ALG8: variants seen among roughly 807,000 people sequenced by gnomAD.
The protein encoded by ALG8 is ALG8 alpha-1,3-glucosyltransferase.
A neutral mutation model predicts 70.2 loss-of-function variants in ALG8; 48 were observed. That is an observed-to-expected ratio of 0.68 (90% CI 0.54 to 0.87). The LOEUF (loss-of-function observed/expected upper bound fraction) is 0.87, where lower values mean the gene tolerates loss of function less well. ALG8 is among the 40% of genes least tolerant of loss of function. The pLI, the probability that ALG8 is intolerant of heterozygous loss-of-function variation, is 0.00. For synonymous variants in ALG8, 234 were observed against 229.0 expected (o/e 1.02, Z -0.20); for missense variants, 572 against 608.7 (o/e 0.94, Z 0.64).
chr11:78,132,909 T>C (rs1349601061), intron 1 of ALG8, among the ~76,000 whole-genome samples: 1 of 147,270 alleles, frequency 6.8e-6, no homozygotes, highest in Non-Finnish European at 1.5e-5. Flanking sequence ...CTATCTCGGC[T>C]CACTGCAAGC....
intron 9 of ALG8, 39 bp downstream of exon 9, chr11:78,109,403 G>T (rs1294314081): frequency 1.2e-6 from 2 of 1,613,660 alleles, no homozygotes; most frequent in Non-Finnish European, 1.7e-6. Context: ...GAAAAGCAGA[G>T]AAAACTCAAG....
intron 4 of ALG8, among the ~76,000 whole-genome samples, chr11:78,120,384 T>C (rs1353947044): frequency 2.0e-5 from 3 of 152,180 alleles, no homozygotes; most frequent in Non-Finnish European, 4.4e-5. Context: ...TACAATCTTA[T>C]GTATTAAGCC....
At chr11:78,103,910 A>G (rs1310521423) in intron 12 of ALG8, 70 bp downstream of exon 12, 1 of 832,842 alleles carries the variant, frequency 1.2e-6, no homozygotes, top group East Asian at 2.7e-5. Context: ...AAATTTAAAG[A>G]GCTTATTTGA....
intron 1 of ALG8, chr11:78,139,105 C>G (rs1477444448): frequency 1.4e-5 from 5 of 356,918 alleles, no homozygotes; most frequent in Non-Finnish European, 2.7e-5. Flanking sequence ...GCTCCACCCA[C>G]CAACTTCGAG....
chr11:78,130,928 A>G (rs1182663872), intron 1 of ALG8, among the ~76,000 whole-genome samples: 2 of 152,162 alleles, frequency 1.3e-5, no homozygotes, highest in African/African-American at 2.4e-5. Context: ...AATTTTGGCA[A>G]TAACATTTTC....
chr11:78,139,254 C>G (rs1426508174), intron 1 of ALG8: 4 of 556,398 alleles, frequency 7.2e-6, no homozygotes, highest in Non-Finnish European at 1.3e-5. Flanking sequence ...GGATGAGGAC[C>G]CTGAGGTTCA....
At position 78,104,013 on chromosome 11, in the gene ALG8, A is replaced by G. The variant is rs17825668; in HGVS notation, c.1316T>C (p.Ile439Thr). 0.028 allele frequency: 42,707 copies of G among 1,505,436 alleles called. 708 individuals are homozygous for G. Among genetic ancestry groups the G allele is most frequent in the Non-Finnish European group, 0.034 (36,430 of 1,084,762 alleles). The allele number at this position is 1,505,436 out of a possible 1,614,324, so 93.3% of individuals were successfully genotyped here. The part of the protein sequence containing the change: ...IKILLMLLFT[I>T]YSISSLKTLF... ...AGTCTTCAGTGACGAAATACTATAT[A>G]TGGTGAATAGTAACATGAGTAAGAT... Residue 439 changes from isoleucine to threonine, a missense_variant, in exon 12 of 13, where the codon ATA (isoleucine) becomes ACA (threonine). Ile to Thr is a moderately conservative substitution (Grantham distance 89). Coordinates refer to ENST00000299626, the MANE Select transcript of ALG8 (RefSeq NM_024079.5).
intron 2 of ALG8, among the ~76,000 whole-genome samples, chr11:78,126,516 G>C (rs7930063): frequency 0.051 from 7,234 of 140,904 alleles, 618 homozygotes; most frequent in African/African-American, 0.18. Context: ...TGGGTGACAA[G>C]AGCGAGACTC....
chr11:78,109,327 A>T, intron 9 of ALG8, 115 bp downstream of exon 9: 1 of 1,374,742 alleles, frequency 7.3e-7, no homozygotes, highest in Non-Finnish European at 1.0e-6. Context: ...CAGAAGGATT[A>T]CAGGCATGAA....
At chr11:78,105,015 G>C (rs771334767) in intron 10 of ALG8, among the ~76,000 whole-genome samples, 11 of 151,538 alleles carry the variant, frequency 7.3e-5, no homozygotes, top group Non-Finnish European at 1.5e-4. Flanking sequence ...CTTCTCCAAA[G>C]ACAGGAATGT....
At chr11:78,101,395 A>G (rs1859790831) in intron 12 of ALG8, among the ~76,000 whole-genome samples, 200 bp from the exon 13 acceptor site, 1 of 152,152 alleles carries the variant, frequency 6.6e-6, no homozygotes, top group East Asian at 1.9e-4. Flanking sequence ...TTGGGAGGCC[A>G]AGGCAGGTGG....
intron 10 of ALG8, 111 bp downstream of exon 10, chr11:78,106,696 A>T: frequency 7.1e-7 from 1 of 1,412,024 alleles, no homozygotes; most frequent in Non-Finnish European, 9.9e-7. Flanking sequence ...GTTCCTATAC[A>T]TCTTTGTTTT....
chr11:78,126,333 C>G (rs1378652692), intron 2 of ALG8, among the ~76,000 whole-genome samples: 4 of 151,634 alleles, frequency 2.6e-5, no homozygotes, highest in Non-Finnish European at 4.4e-5. Flanking sequence ...GAGTTCGAGA[C>G]CAGCCTGGCC....
intron 3 of ALG8, among the ~76,000 whole-genome samples, chr11:78,121,555 G>GA (rs372128580): frequency 0.052 from 5,185 of 99,796 alleles, 318 homozygotes; most frequent in African/African-American, 0.16. Context: ...CTTCTCACTA[G>GA]AAAAAAAAAA....
rs1369571338 is a variant in ALG8 at position 78,104,350 on chromosome 11, G to GT, written c.1276+5dup. The GT allele has an allele frequency of 6.3e-7, 1 of 1,579,338 alleles. No homozygotes were observed. Among genetic ancestry groups the GT allele is most frequent in the Admixed American group, 1.9e-5 (1 of 54,048 alleles). ...AAATATATTTTTCTCAGAAGACGCT[G>GT]TTTACCTGGTGCAGTGAAGAGCAGA... On this transcript the variant is annotated splice_donor_region_variant and intron_variant, in intron 11 of 12. Coordinates refer to ENST00000299626, the MANE Select transcript of ALG8 (RefSeq NM_024079.5).
chr11:78,121,084 G>A lies in ALG8; in HGVS notation c.459C>T (p.Phe153=), dbSNP rs144501219. ...GGATACGGTCCACAATTAATAACCC[G>A]AAGTTCCACAGAAGTAATACCGACA... ...FILSVLLLWN[F]GLLIVDHIHF... Residue 153 remains phenylalanine (F), a synonymous_variant, in exon 4 of 13, where the codon TTC becomes TTT. Coordinates refer to ENST00000299626, the MANE Select transcript of ALG8 (RefSeq NM_024079.5). 1.5e-4 allele frequency: 240 copies of A among 1,613,622 alleles called. No individual in the cohort carries two copies. The highest frequency in any genetic ancestry group is 5.5e-4 in the Admixed American group (33 of 59,998).
intron 1 of ALG8, chr11:78,137,655 G>C (rs905344018): frequency 4.6e-5 from 7 of 152,218 alleles, no homozygotes; most frequent in African/African-American, 1.7e-4. Flanking sequence ...CCTGAGGAGA[G>C]GGAGAGAGAT....
intron 1 of ALG8, chr11:78,137,684 T>TA: frequency 6.6e-6 from 1 of 152,350 alleles, no homozygotes; most frequent in East Asian, 1.9e-4. Context: ...AGCTGGTTGA[T>TA]AGAGCAGTCA....
intron 1 of ALG8, among the ~76,000 whole-genome samples, chr11:78,132,878 C>T (rs1290724304): frequency 6.8e-6 from 1 of 147,798 alleles, no homozygotes; most frequent in South Asian, 2.2e-4. Context: ...ACTCTGTCGA[C>T]CAGGTTGGAG....
Sources: allele counts gnomAD v4.1 joint callset (sites outside exome capture counted in the v4.1 genomes callset), GRCh38; gene constraint gnomAD v4.1.1; transcripts MANE v1.5; gene names NCBI Gene and HGNC (gene_info 2026-07-23, HGNC 2026-07-21).